The following LRPPRC variants were observed in gnomAD, a reference collection of about 807,000 sequenced individuals.
LRPPRC encodes the protein leucine rich pentatricopeptide repeat containing, also known as leucine-rich PPR motif-containing protein, mitochondrial.
Under a neutral mutation model 180.3 loss-of-function variants are expected in LRPPRC, and 120 were observed. The observed-to-expected ratio is 0.67, with a 90% CI of 0.57 to 0.77. The LOEUF (loss-of-function observed/expected upper bound fraction) is 0.77. Among genes scored for constraint, LRPPRC ranks in the 30% least tolerant of loss-of-function variants. The pLI is 0.00. For missense variants in LRPPRC, 2,012 were observed against 1,657.2 expected, an observed-to-expected ratio of 1.21 and a Z score of -3.72; for synonymous variants, 723 against 600.0, an observed-to-expected ratio of 1.21 and a Z score of -3.00.
intron 29 of LRPPRC, among the ~76,000 whole-genome samples, chr2:43,913,596 C>A (rs1671340799): frequency 6.6e-6 from 1 of 152,078 alleles, no homozygotes; most frequent in Admixed American, 6.5e-5. Flanking sequence ...AATATTTATC[C>A]CTTTAAGCTA....
At chr2:43,976,937 T>TTCACA in intron 5 of LRPPRC, 57 bp downstream of exon 5, 1 of 1,385,718 alleles carries the variant, frequency 7.2e-7, no homozygotes, top group Non-Finnish European at 1.0e-6. Context: ...TGAACAGACA[T>TTCACA]TAGATTTACA....
intron 27 of LRPPRC, among the ~76,000 whole-genome samples, chr2:43,918,917 T>TA (rs536494902): frequency 2.9e-4 from 44 of 151,524 alleles, no homozygotes; most frequent in African/African-American, 9.9e-4. Flanking sequence ...TACATACGTG[T>TA]ACCGTATGCA....
intron 14 of LRPPRC, among the ~76,000 whole-genome samples, chr2:43,953,928 G>C (rs1673001803): frequency 6.6e-6 from 1 of 152,158 alleles, no homozygotes; most frequent in South Asian, 2.1e-4. Flanking sequence ...CCAGCACTTT[G>C]GGAGGCCAAG....
At chr2:43,987,540 T>C (rs2103765135) in intron 1 of LRPPRC, among the ~76,000 whole-genome samples, 1 of 149,916 alleles carries the variant, frequency 6.7e-6, no homozygotes, top group East Asian at 2.0e-4. Flanking sequence ...ATTTCTCCAC[T>C]GCAACCAACC....
intron 32 of LRPPRC, 63 bp downstream of exon 32, chr2:43,901,257 G>T: frequency 1.5e-6 from 2 of 1,331,120 alleles, no homozygotes; most frequent in Non-Finnish European, 2.1e-6. Context: ...TTTAAAAGGT[G>T]GTATCTGAGG....
intron 11 of LRPPRC, among the ~76,000 whole-genome samples, chr2:43,965,461 C>T (rs888025393): frequency 3.9e-5 from 6 of 152,116 alleles, no homozygotes; most frequent in Non-Finnish European, 7.4e-5. Context: ...GCCTTGACAA[C>T]GACTTTTTGG....
chr2:43,927,575 A>G (rs1160008283), intron 25 of LRPPRC, among the ~76,000 whole-genome samples: 1 of 152,238 alleles, frequency 6.6e-6, no homozygotes, highest in Non-Finnish European at 1.5e-5. Context: ...AATGAAACCA[A>G]TGTCAATATA....
intron 20 of LRPPRC, 71 bp downstream of exon 20, chr2:43,947,186 T>C: frequency 1.4e-6 from 1 of 692,188 alleles, no homozygotes; most frequent in South Asian, 1.7e-5. Flanking sequence ...ATAAATATTA[T>C]ATTTGGTTTT....
Position 43,948,143 on chromosome 2 carries a change from G to A in LRPPRC, c.1899C>T (p.Tyr633=), listed in dbSNP as rs778531094. 12 of 1,603,314 alleles carry A rather than the reference G, an allele frequency of 7.5e-6. No homozygotes were observed. Among genetic ancestry groups the A allele is most frequent in the South Asian group, 1.1e-5 (1 of 90,864 alleles). Residue 633 remains tyrosine, a synonymous_variant, in exon 18 of 38, where the codon TAC becomes TAT. Transcript: ENST00000260665. ...ACACCTTAATCAATTCAGGAACATGGTAGCTTTCCAGGAGATTACGAATGC... is the reference window on the plus strand; with the variant it reads ...ACACCTTAATCAATTCAGGAACATGATAGCTTTCCAGGAGATTACGAATGC... ...YRGIRNLLES[Y]HVPELIKDAH...
chr2:43,945,442 T>A (rs566291155), intron 21 of LRPPRC, 25 bp from the exon 22 acceptor site: 3 of 1,417,764 alleles, frequency 2.1e-6, no homozygotes, highest in African/African-American at 2.8e-5. Flanking sequence ...CACATTTATA[T>A]TGTTTTAAAA....
intron 11 of LRPPRC, among the ~76,000 whole-genome samples, chr2:43,966,341 T>C (rs1197568563): frequency 2.6e-5 from 4 of 151,718 alleles, no homozygotes; most frequent in African/African-American, 4.8e-5. Context: ...ATACGGTAAA[T>C]AAGTTCTGGA....
chr2:43,943,858 T>A lies in LRPPRC; in HGVS notation c.2333A>T (p.Asp778Val), dbSNP rs1410262197. 1 of 1,613,148 alleles carries A rather than the reference T, an allele frequency of 6.2e-7. No individual in the cohort carries two copies. Residue 778 changes from aspartate to valine, a missense_variant, in exon 23 of 38, where the codon GAT becomes GTT. Transcript: ENST00000260665. ...INILKEMKEK[D>V]VLIKDTTALS... ...GGCTGTTGTATCTTTGATAAGAACA[T>A]CCTTCTCTTTCATCTCCTTCAGAAT...
rs1467752736 is a variant in LRPPRC, at chr2:43,889,744, A to G, written c.4118T>C (p.Ile1373Thr). The G allele has an allele frequency of 2.5e-6, 4 of 1,613,082 alleles. No individual in the cohort carries two copies. The highest frequency in any genetic ancestry group is 2.5e-6 in the Non-Finnish European group (3 of 1,179,010). ...TTAAGAAATACTCACAGGGGGTTCA[A>G]TGAAAGGGACAGGCTCTCCAGCATA... ...LKYAGEPVPF[I>T]EPPESFEFYA... Residue 1373 changes from isoleucine (I) to threonine (T), a missense_variant, in exon 37 of 38, where the codon ATT (isoleucine) becomes ACT (threonine). Physicochemically the swap from Ile to Thr is moderately conservative, Grantham distance 89. Coordinates refer to ENST00000260665, the MANE Select transcript of LRPPRC (RefSeq NM_133259.4).
intron 11 of LRPPRC, among the ~76,000 whole-genome samples, chr2:43,965,787 G>A (rs556259738): frequency 6.6e-6 from 1 of 152,210 alleles, no homozygotes; most frequent in Admixed American, 6.5e-5. Context: ...TAATCATCAG[G>A]GAAATGCAAA....
intron 1 of LRPPRC, among the ~76,000 whole-genome samples, chr2:43,992,838 G>T (rs1310765353): frequency 1.3e-5 from 2 of 152,164 alleles, no homozygotes; most frequent in East Asian, 3.9e-4. Flanking sequence ...TGTTGGCTCT[G>T]AAGTACCTAT....
chr2:43,974,161 T>A lies in LRPPRC; in HGVS notation c.1144A>T (p.Thr382Ser), dbSNP rs1204888557. Reference protein sequence around the residue: ...FGSFFLQHCVTMNTPVEKLTD... With the variant: ...FGSFFLQHCVSMNTPVEKLTD... ...AGTGGACAGAATACCGTATTCATAG[T>A]CACACAGTGTTGTAAAAAGAAACTG... The change falls in exon 9 of 38, where the codon ACT becomes TCT. Residue 382 changes from threonine to serine, a missense_variant. Coordinates refer to ENST00000260665, the MANE Select transcript of LRPPRC (RefSeq NM_133259.4). 2.0e-5 allele frequency: 33 copies of A among 1,613,602 alleles called. No individual in the cohort carries two copies. Among genetic ancestry groups the A allele is most frequent in the Non-Finnish European group, 2.7e-5 (32 of 1,179,600 alleles).
chr2:43,937,430 G>A (rs1031949875), intron 23 of LRPPRC, among the ~76,000 whole-genome samples: 1 of 152,064 alleles, frequency 6.6e-6, no homozygotes, highest in African/African-American at 2.4e-5. Flanking sequence ...CATTTTAAAA[G>A]ACAAAAATTT....
chr2:43,954,201 T>C (rs555107413), intron 14 of LRPPRC, among the ~76,000 whole-genome samples: 2 of 152,184 alleles, frequency 1.3e-5, no homozygotes, highest in Non-Finnish European at 2.9e-5. Flanking sequence ...AAAAACATAT[T>C]TCACATGTGA....
chr2:43,925,958 G>A lies in LRPPRC; in HGVS notation c.2740C>T (p.Pro914Ser). ...CTTGCAGATCGAGCTCTAATCCCTGGAGTCTGTAAAATAAAATAATCACAT... is the reference window on the plus strand; with the variant it reads ...CTTGCAGATCGAGCTCTAATCCCTGAAGTCTGTAAAATAAAATAATCACAT... ...YKEAKKIIETPGIRARSARLQ... is the reference protein window; with the variant it reads ...YKEAKKIIETSGIRARSARLQ... The change falls in exon 26 of 38, where the codon CCA (proline) becomes TCA (serine). Residue 914 changes from proline (P) to serine (S), a missense_variant. Physicochemically the swap from Pro to Ser is moderately conservative, Grantham distance 74. Transcript: ENST00000260665. 6.3e-7 allele frequency: 1 copy of A among 1,599,714 alleles called. No homozygotes were observed. Among genetic ancestry groups the A allele is most frequent in the South Asian group, 1.1e-5 (1 of 90,794 alleles).
Sources: allele counts gnomAD v4.1 joint callset (sites outside exome capture counted in the v4.1 genomes callset), GRCh38; gene constraint gnomAD v4.1.1; transcripts MANE v1.5; gene names NCBI Gene and HGNC (gene_info 2026-07-23, HGNC 2026-07-21).